The following ANOS1 variants were observed in gnomAD, a reference collection of about 807,000 sequenced individuals.
The protein encoded by ANOS1 is anosmin 1.
In ANOS1, 6 loss-of-function variants were observed where a neutral mutation model predicts 59.0. The observed-to-expected ratio is 0.10, with a 90% confidence interval of 0.06 to 0.20. The LOEUF (loss-of-function observed/expected upper bound fraction) is 0.20. ANOS1 is among the 10% of genes least tolerant of loss of function. ANOS1 has a pLI of 1.00. For missense variants in ANOS1, 433 were observed against 542.3 expected, an observed-to-expected ratio of 0.80 and a Z score of 2.00; for synonymous variants, 217 against 223.4, an observed-to-expected ratio of 0.97 and a Z score of 0.25.
At chrX:8,537,398 C>G (rs1295950070) in intron 10 of ANOS1, among the ~76,000 whole-genome samples, 1 of 111,348 alleles carries the variant, frequency 9.0e-6, no homozygotes, top group Non-Finnish European at 1.9e-5. Context: ...TTTTGGAGTG[C>G]TGTTACTGTT....
chrX:8,559,340 T>C (rs991786489), intron 8 of ANOS1, among the ~76,000 whole-genome samples: 2 of 48,474 alleles, frequency 4.1e-5, no homozygotes, highest in South Asian at 1.9e-3. Context: ...AGCATGAACT[T>C]TTTTTTCCCT....
chrX:8,658,185 C>T (rs748128461), intron 2 of ANOS1, among the ~76,000 whole-genome samples: 3 of 111,588 alleles, frequency 2.7e-5, no homozygotes, highest in Non-Finnish European at 5.7e-5. Context: ...TGGTTAATGC[C>T]CTACTGCATG....
At position 8,645,886 on chromosome X, in the gene ANOS1, C is replaced by T. The variant is rs182994173; in HGVS notation, c.256-22216G>A. On this transcript the variant is annotated intron_variant, in intron 2 of 13. Coordinates refer to ENST00000262648, the MANE Select transcript of ANOS1 (RefSeq NM_000216.4). ...GTCTCGATCTCCTGACCTCGTGATC[C>T]GCCCGCCTCGGCCTCCCAAAGTGCT... is the stretch of plus-strand genomic sequence containing the variant. Among the ~76,000 whole-genome samples the T allele has an allele frequency of 3.3e-3, 376 of 112,290 alleles. 2 individuals are homozygous for T. Among genetic ancestry groups the T allele is most frequent in the African/African-American group, 0.012 (358 of 30,929 alleles).
chrX:8,605,895 C>A (rs1930933384), intron 3 of ANOS1, among the ~76,000 whole-genome samples: 2 of 107,819 alleles, frequency 1.9e-5, no homozygotes, highest in African/African-American at 6.8e-5. Flanking sequence ...TGTCTCTCTA[C>A]TAAATTTAGT....
intron 2 of ANOS1, among the ~76,000 whole-genome samples, chrX:8,650,574 T>C (rs947256058): frequency 2.0e-4 from 22 of 111,451 alleles, no homozygotes; most frequent in African/African-American, 7.2e-4. Flanking sequence ...AAAAATGAGC[T>C]GGGAATGGTG....
At chrX:8,618,895 A>G (rs1192334503) in intron 3 of ANOS1, among the ~76,000 whole-genome samples, 2 of 109,041 alleles carry the variant, frequency 1.8e-5, no homozygotes, top group Admixed American at 2.0e-4. Context: ...AAGAGGGGGA[A>G]ACCCCATCTC....
intron 13 of ANOS1, among the ~76,000 whole-genome samples, chrX:8,533,527 A>T (rs1373619718): frequency 1.8e-5 from 2 of 112,237 alleles, no homozygotes; most frequent in African/African-American, 3.2e-5. Context: ...TCTATCATTT[A>T]AAAAAATCAG....
At chrX:8,605,670 GAAAGA>G (rs1930928808) in intron 3 of ANOS1, among the ~76,000 whole-genome samples, 1 of 101,345 alleles carries the variant, frequency 9.9e-6, no homozygotes, top group Admixed American at 1.1e-4. Flanking sequence ...AAAAGGAAAA[GAAAGA>G]AAAGAAAAGA....
chrX:8,726,801 A>G (rs772110896), intron 1 of ANOS1, among the ~76,000 whole-genome samples: 2 of 112,309 alleles, frequency 1.8e-5, no homozygotes, highest in Non-Finnish European at 3.8e-5. Flanking sequence ...AAATGCATCA[A>G]GAGTCACCTA....
chrX:8,624,534 C>T (rs998361686), intron 2 of ANOS1, among the ~76,000 whole-genome samples: 6 of 111,067 alleles, frequency 5.4e-5, no homozygotes, highest in Non-Finnish European at 9.4e-5. Flanking sequence ...TCAGATACAT[C>T]GAGTTTAATC....
intron 3 of ANOS1, among the ~76,000 whole-genome samples, chrX:8,615,497 C>T (rs1233784998): frequency 4.9e-5 from 5 of 101,118 alleles, no homozygotes; most frequent in Non-Finnish European, 7.9e-5. Flanking sequence ...GAGCCGAGAT[C>T]GTGCCATTGC....
chrX:8,530,243 T>G lies in ANOS1; in HGVS notation c.*2752A>C, dbSNP rs1208727124. The G allele has an allele frequency of 8.9e-6, 1 of 111,969 alleles. No homozygotes were observed. The highest frequency in any genetic ancestry group is 1.9e-5 in the Non-Finnish European group (1 of 53,199). 9.2% of individuals were successfully genotyped at this position (111,969 alleles called of 1,213,427 possible). A position where few individuals can be genotyped will look rare whatever the true frequency, so the allele number is the denominator to read the frequency against. ...TGCAATGTATGTCAGATTAACCACC[T>G]GTATTTGATGACAATATTTTTGATG... On this transcript the variant is annotated 3_prime_UTR_variant, in exon 14 of 14. Transcript: ENST00000262648.
At chrX:8,629,901 C>A (rs1398633875) in intron 2 of ANOS1, among the ~76,000 whole-genome samples, 1 of 112,164 alleles carries the variant, frequency 8.9e-6, no homozygotes, top group Non-Finnish European at 1.9e-5. Context: ...AGAACCCATG[C>A]TAAAACAAAG....
intron 9 of ANOS1, among the ~76,000 whole-genome samples, chrX:8,541,421 A>C (rs1432111137): frequency 1.1e-5 from 1 of 92,336 alleles, no homozygotes; most frequent in Non-Finnish European, 2.2e-5. Context: ...CCCCCCCCCA[A>C]AAACAAAAAA....
At chrX:8,593,563 C>G (rs1930657564) in intron 4 of ANOS1, among the ~76,000 whole-genome samples, 1 of 111,691 alleles carries the variant, frequency 9.0e-6, no homozygotes, top group African/African-American at 3.3e-5. Context: ...TAAAACAATC[C>G]CATGTTATTC....
chrX:8,626,428 A>G (rs1228693094), intron 2 of ANOS1, among the ~76,000 whole-genome samples: 1 of 111,652 alleles, frequency 9.0e-6, no homozygotes, highest in Non-Finnish European at 1.9e-5. Context: ...CTCTTTAATA[A>G]TTCTTTTCTA....
chrX:8,662,628 G>A (rs5934473), intron 2 of ANOS1, among the ~76,000 whole-genome samples: 27,403 of 111,353 alleles, frequency 0.25, 2,506 homozygotes, highest in East Asian at 0.42. Flanking sequence ...AAATGTAATT[G>A]CTTAAGATGA....
At chrX:8,668,870 C>T (rs1932209155) in intron 2 of ANOS1, among the ~76,000 whole-genome samples, 1 of 111,374 alleles carries the variant, frequency 9.0e-6, no homozygotes, top group Middle Eastern at 4.7e-3. Context: ...GACTGATCGA[C>T]TTTGAGTCAA....
In ANOS1 at chrX:8,533,011, G is replaced by A. The variant is rs1365078702; in HGVS notation, c.2027C>T (p.Ser676Phe). ...KHRHPHHYKPSPERY is the reference protein window; with the variant it reads ...KHRHPHHYKPFPERY ...TTGAACAGTTTAGTATCTTTCTGGA[G>A]AAGGCTTGTAATGATGTGGATGACG... The change falls in exon 14 of 14, where the codon TCT becomes TTT. Residue 676 changes from serine (S) to phenylalanine (F), a missense_variant. Ser to Phe is a radical substitution (Grantham distance 155). Coordinates refer to ENST00000262648, the MANE Select transcript of ANOS1 (RefSeq NM_000216.4). The A allele has an allele frequency of 8.6e-7, 1 of 1,167,601 alleles. No individual in the cohort carries two copies. Among genetic ancestry groups the A allele is most frequent in the Admixed American group, 2.2e-5 (1 of 46,029 alleles).
Sources: allele counts gnomAD v4.1 joint callset (sites outside exome capture counted in the v4.1 genomes callset), GRCh38; gene constraint gnomAD v4.1.1; transcripts MANE v1.5; gene names NCBI Gene and HGNC (gene_info 2026-07-23, HGNC 2026-07-21).